The following WDR47 variants were observed in gnomAD, a reference collection of about 807,000 sequenced individuals.
WDR47 encodes the protein WD repeat domain 47.
WDR47 carries 32 observed loss-of-function variants against 97.2 expected under a neutral mutation model. The ratio of observed to expected loss-of-function variants is 0.33; its 90% CI spans 0.25 to 0.44. The LOEUF is 0.44. Ranked by LOEUF, WDR47 falls within the 20% of genes least tolerant of loss-of-function variation. The probability of loss-of-function intolerance (pLI) is 1.00; values close to 1 mark genes in which losing one functional copy is unlikely to be tolerated. For synonymous variants in WDR47, 375 were observed against 373.5 expected, an observed-to-expected ratio of 1.00 and a Z score of -0.05; for missense variants, 782 against 1,102.3, an observed-to-expected ratio of 0.71 and a Z score of 4.11.
In WDR47 at chr1:108,974,574, C is replaced by G. The variant is rs1411888184; in HGVS notation, c.2579G>C (p.Gly860Ala). 5.0e-6 allele frequency: 8 copies of G among 1,614,102 alleles called. No individual in the cohort carries two copies. Among genetic ancestry groups the G allele is most frequent in the Non-Finnish European group, 6.8e-6 (8 of 1,180,018 alleles). ...FSPGAHYLLTGSYDMKIKVTD... is the reference protein window; with the variant it reads ...FSPGAHYLLTASYDMKIKVTD... Reference sequence around the variant, plus strand: ...CACCTTTATTTTCATATCATAAGAGCCTGTTAGCAAGTAGTGAGCTCCAGG... The same window carrying G: ...CACCTTTATTTTCATATCATAAGAGGCTGTTAGCAAGTAGTGAGCTCCAGG... Residue 860 changes from glycine to alanine, a missense_variant, in exon 14 of 15, where the codon GGC (glycine) becomes GCC (alanine). This residue lies in a region of WDR47 where 228 missense variants were observed against 396.7 expected (regional missense o/e 0.57). Coordinates refer to ENST00000369962, the MANE Select transcript of WDR47 (RefSeq NM_001142551.2).
At chr1:109,015,803 T>A (rs1428036604) in intron 3 of WDR47, among the ~76,000 whole-genome samples, 1 of 150,004 alleles carries the variant, frequency 6.7e-6, no homozygotes, top group African/African-American at 2.5e-5. Flanking sequence ...CTGACCAACA[T>A]GGTGAAACCC....
At chr1:108,989,843 C>T (rs868789542) in intron 9 of WDR47, among the ~76,000 whole-genome samples, 7 of 151,732 alleles carry the variant, frequency 4.6e-5, no homozygotes, top group South Asian at 2.1e-4. Context: ...TACAGGCACC[C>T]GCCATCACAC....
intron 7 of WDR47, among the ~76,000 whole-genome samples, chr1:109,000,827 A>G (rs1176162850): frequency 6.6e-6 from 1 of 152,218 alleles, no homozygotes; most frequent in Non-Finnish European, 1.5e-5. Flanking sequence ...AATCAAGTGA[A>G]GAGCTAACAG....
chr1:108,992,748 T>C (rs1408400267), intron 8 of WDR47: 2 of 1,595,980 alleles, frequency 1.3e-6, no homozygotes, highest in African/African-American at 1.3e-5. Flanking sequence ...AAGGAACAGA[T>C]TGTTCCTAAA....
chr1:109,002,241 A>T lies in WDR47; in HGVS notation c.1416T>A (p.Thr472=). ...EDGPDQQQNL[T]EQFLNRSIQK... Reference sequence around the variant, plus strand: ...AGACCAACCTATTAAGGAACTGTTCAGTAAGATTCTGCTGCTGATCAGGAC... The same window carrying T: ...AGACCAACCTATTAAGGAACTGTTCTGTAAGATTCTGCTGCTGATCAGGAC... Residue 472 remains threonine, a synonymous_variant, in exon 7 of 15, where the codon ACT becomes ACA. Transcript: ENST00000369962. 1 of 1,599,054 alleles carries T rather than the reference A, an allele frequency of 6.3e-7. No individual in the cohort carries two copies. The highest frequency in any genetic ancestry group is 1.7e-5 in the Admixed American group (1 of 57,182).
intron 13 of WDR47, 30 bp downstream of exon 13, chr1:108,981,703 C>A: frequency 1.9e-6 from 3 of 1,573,016 alleles, no homozygotes; most frequent in Non-Finnish European, 2.6e-6. Context: ...AAGTTTTTTT[C>A]CCATATATAT....
chr1:108,986,753 A>G, intron 9 of WDR47, 73 bp from the exon 10 acceptor site: 1 of 1,289,658 alleles, frequency 7.8e-7, no homozygotes, highest in Non-Finnish European at 1.1e-6. Flanking sequence ...CTCCCATTTT[A>G]AATTCATTTG....
At chr1:109,013,688 G>T in intron 4 of WDR47, 153 bp downstream of exon 4, 1 of 715,650 alleles carries the variant, frequency 1.4e-6, no homozygotes, top group Non-Finnish European at 2.3e-6. Context: ...GCTACAGAAT[G>T]AAAATACTAC....
chr1:109,029,141 T>C (rs544070494), intron 1 of WDR47, among the ~76,000 whole-genome samples: 4 of 152,304 alleles, frequency 2.6e-5, no homozygotes, highest in African/African-American at 7.2e-5. Context: ...TTGATTACCA[T>C]CTTAGTAAAC....
chr1:108,974,586 T>C lies in WDR47; in HGVS notation c.2567A>G (p.Tyr856Cys), dbSNP rs1458521828. The C allele has an allele frequency of 6.2e-6, 10 of 1,614,152 alleles. No homozygotes were observed. In the Middle Eastern group the frequency reaches 4.9e-4, roughly 80 times the overall value. The change falls in exon 14 of 15, where the codon TAC (tyrosine) becomes TGC (cysteine). Residue 856 changes from tyrosine (Y) to cysteine (C), a missense_variant. Tyr to Cys is a radical substitution (Grantham distance 194, BLOSUM62 -2). Around this residue, in one of 3 missense-constraint regions of WDR47, gnomAD observed 228 missense variants for 396.7 expected, o/e 0.57. Transcript: ENST00000369962. The stretch of plus-strand genomic sequence containing the variant: ...CATATCATAAGAGCCTGTTAGCAAG[T>C]AGTGAGCTCCAGGGGAGAATCGAAC... ...RSVRFSPGAH[Y>C]LLTGSYDMKI...
intron 1 of WDR47, among the ~76,000 whole-genome samples, chr1:109,037,118 T>C (rs982098054): frequency 2.2e-5 from 3 of 135,238 alleles, no homozygotes; most frequent in Admixed American, 1.5e-4. Context: ...TCACCTGAGG[T>C]TGGGAGTTCA....
At chr1:108,995,540 TA>T in intron 8 of WDR47, 39 bp downstream of exon 8, 1 of 1,606,044 alleles carries the variant, frequency 6.2e-7, no homozygotes, top group Non-Finnish European at 8.5e-7. Flanking sequence ...CCATTAGTAG[TA>T]AGTTAATATT....
chr1:108,980,419 T>A (rs776909436), intron 13 of WDR47, among the ~76,000 whole-genome samples: 8 of 152,216 alleles, frequency 5.3e-5, no homozygotes, highest in Non-Finnish European at 1.2e-4. Context: ...AGAATTCTCT[T>A]CTAATTCTGC....
rs972490399 is a variant in WDR47, at chr1:108,982,679, T to G, written c.2196A>C (p.Ala732=). ...CGGTTGTATAAATGTTACAATCCCC[T>G]GCTCCAGCACTTATTAAAATAGCTC... ...SGGAILISAG[A]GDCNIYTTDC... The change falls in exon 12 of 15, where the codon GCA becomes GCC. Residue 732 remains alanine (A), a synonymous_variant. Transcript: ENST00000369962. 1 of 1,613,994 alleles carries G rather than the reference T, an allele frequency of 6.2e-7. No homozygotes were observed. The highest frequency in any genetic ancestry group is 8.5e-7 in the Non-Finnish European group (1 of 1,180,014).
intron 1 of WDR47, among the ~76,000 whole-genome samples, chr1:109,040,524 A>AT (rs1390602688): frequency 6.6e-6 from 1 of 152,108 alleles, no homozygotes; most frequent in Non-Finnish European, 1.5e-5. Context: ...CCAAAAAAAA[A>AT]AAAAAATTTA....
intron 1 of WDR47, among the ~76,000 whole-genome samples, chr1:109,038,710 C>A (rs1015097886): frequency 5.3e-5 from 8 of 152,118 alleles, no homozygotes; most frequent in African/African-American, 1.4e-4. Context: ...GGTGCAGTGG[C>A]TCACGCCTGT....
intron 14 of WDR47, among the ~76,000 whole-genome samples, chr1:108,973,134 C>T (rs552577975): frequency 3.1e-4 from 47 of 151,778 alleles, no homozygotes; most frequent in African/African-American, 1.0e-3. Flanking sequence ...TGGCTTGTTC[C>T]TCCTCATCAT....
intron 10 of WDR47, among the ~76,000 whole-genome samples, chr1:108,984,070 C>A (rs759461907): frequency 1.5e-4 from 23 of 152,094 alleles, no homozygotes; most frequent in Non-Finnish European, 2.4e-4. Context: ...AAAGTACTGG[C>A]TGAGCATGCA....
At chr1:108,982,404 G>T (rs769354875) in intron 12 of WDR47, among the ~76,000 whole-genome samples, 3 of 151,386 alleles carry the variant, frequency 2.0e-5, no homozygotes, top group Non-Finnish European at 1.5e-5. Flanking sequence ...ATGGTAGCAC[G>T]TGCCTATAGT....
Sources: allele counts gnomAD v4.1 joint callset (sites outside exome capture counted in the v4.1 genomes callset), GRCh38; gene constraint gnomAD v4.1.1; regional missense constraint gnomAD v4.1.1; transcripts MANE v1.5; gene names NCBI Gene and HGNC (gene_info 2026-07-23, HGNC 2026-07-21).